Variants in UNC5A observed in about 807,000 individuals in gnomAD.
UNC5A encodes the protein unc-5 netrin receptor A.
In UNC5A, 20 loss-of-function variants were observed where a neutral mutation model predicts 87.4. The observed-to-expected ratio is 0.23, with a 90% CI of 0.16 to 0.33. The LOEUF (loss-of-function observed/expected upper bound fraction) is 0.33. Among genes scored for constraint, UNC5A ranks in the 10% least tolerant of loss-of-function variants. The probability of loss-of-function intolerance (pLI) is 1.00; values close to 1 mark genes in which losing one functional copy is unlikely to be tolerated. For missense variants in UNC5A, 844 were observed against 1,133.4 expected (o/e 0.74, Z 3.67); for synonymous variants, 438 against 482.3 (o/e 0.91, Z 1.20).
intron 6 of UNC5A, among the ~76,000 whole-genome samples, chr5:176,870,915 C>T (rs1226626494): frequency 7.2e-6 from 1 of 138,896 alleles, no homozygotes; most frequent in Non-Finnish European, 1.6e-5. Flanking sequence ...CATCTGCCCA[C>T]GCTCACCCCA....
chr5:176,820,619 G>A (rs537624137), intron 1 of UNC5A, among the ~76,000 whole-genome samples: 3 of 152,334 alleles, frequency 2.0e-5, no homozygotes, highest in Admixed American at 6.5e-5. Flanking sequence ...CTGGTCTGGC[G>A]TGACTGGTCC....
At position 176,840,500 on chromosome 5, in the gene UNC5A, G is replaced by T. The variant is rs573628755; in HGVS notation, c.71-22124G>T. 1.1e-4 allele frequency among the ~76,000 whole-genome samples: 17 copies of T among 152,350 alleles called. No homozygotes were observed. The South Asian group carries it at 3.5e-3, about 32-fold the overall frequency. Reference sequence around the variant, plus strand: ...ATAACACGTTGGGCTCTGCAAGGGGGTGACCACATCTCTATCTCTTCATCT... The same window carrying T: ...ATAACACGTTGGGCTCTGCAAGGGGTTGACCACATCTCTATCTCTTCATCT... On this transcript the variant is annotated intron_variant, in intron 1 of 14. Coordinates refer to ENST00000329542, the MANE Select transcript of UNC5A (RefSeq NM_133369.3).
At chr5:176,818,066 C>T (rs1311782706) in intron 1 of UNC5A, among the ~76,000 whole-genome samples, 11 of 151,994 alleles carry the variant, frequency 7.2e-5, no homozygotes, top group Non-Finnish European at 1.5e-4. Flanking sequence ...GCCGCGCGGC[C>T]GCCTCCGCCC....
rs1757389181 is a variant in UNC5A, at chr5:176,845,792, G to A, written c.71-16832G>A. Among the ~76,000 whole-genome samples, 3 of 152,216 alleles carry A rather than the reference G, an allele frequency of 2.0e-5. 1 individual carries two copies. Among genetic ancestry groups the A allele is most frequent in the Admixed American group, 6.5e-5 (1 of 15,276 alleles). ...CACTATTTAGATGGGGAGACAGAGA[G>A]GGCCTCCTCAGGGAGGTGCCATGAG... On this transcript the variant is annotated intron_variant, in intron 1 of 14. Transcript: ENST00000329542.
chr5:176,851,444 G>A (rs928635102), intron 1 of UNC5A, among the ~76,000 whole-genome samples: 22 of 152,336 alleles, frequency 1.4e-4, no homozygotes, highest in Admixed American at 3.9e-4. Context: ...CAGCTCTGGC[G>A]GGGCACACAT....
At chr5:176,819,230 T>C (rs1212601339) in intron 1 of UNC5A, among the ~76,000 whole-genome samples, 13 of 152,170 alleles carry the variant, frequency 8.5e-5, no homozygotes, top group South Asian at 4.1e-4. Flanking sequence ...TACCTGTCTG[T>C]GGGTGGTGGC....
chr5:176,877,096 G>A, intron 8 of UNC5A, 96 bp from the exon 9 acceptor site: 1 of 1,004,426 alleles, frequency 1.0e-6, no homozygotes, highest in African/African-American at 1.6e-5. Flanking sequence ...GCTGGCACCA[G>A]TCAGTCCTCA....
chr5:176,843,928 C>T (rs1007397977), intron 1 of UNC5A, among the ~76,000 whole-genome samples: 4 of 152,264 alleles, frequency 2.6e-5, no homozygotes, highest in South Asian at 4.1e-4. Context: ...GCTTTCCTCC[C>T]GCTGATCGTG....
chr5:176,814,546 G>A (rs1002195858), intron 1 of UNC5A, among the ~76,000 whole-genome samples: 2 of 152,166 alleles, frequency 1.3e-5, no homozygotes, highest in Admixed American at 1.3e-4. Context: ...TGTGAAACCC[G>A]CAGCTTCAGT....
At chr5:176,877,415 G>C in intron 9 of UNC5A, 120 bp from the exon 10 acceptor site, 1 of 1,350,842 alleles carries the variant, frequency 7.4e-7, no homozygotes, top group Non-Finnish European at 1.0e-6. Context: ...AGCCCCACGT[G>C]GTCCTGCAGC....
intron 1 of UNC5A, among the ~76,000 whole-genome samples, chr5:176,839,556 A>G (rs1271826621): frequency 1.3e-5 from 2 of 152,186 alleles, no homozygotes; most frequent in African/African-American, 4.8e-5. Flanking sequence ...CACATGGCCT[A>G]GGCTGTCTCC....
At chr5:176,812,668 A>G (rs1340086130) in intron 1 of UNC5A, among the ~76,000 whole-genome samples, 1 of 152,162 alleles carries the variant, frequency 6.6e-6, no homozygotes, top group African/African-American at 2.4e-5. Context: ...TTGGCAGGGC[A>G]TCTGTTGAGG....
intron 1 of UNC5A, among the ~76,000 whole-genome samples, chr5:176,853,967 G>T (rs181027017): frequency 2.0e-5 from 3 of 152,362 alleles, no homozygotes; most frequent in African/African-American, 7.2e-5. Context: ...TGAGAACAAT[G>T]AGGCTCTAGA....
chr5:176,877,548 G>A lies in UNC5A; in HGVS notation c.1480G>A (p.Gly494Ser), dbSNP rs138151702. Residue 494 changes from glycine to serine, a missense_variant, in exon 10 of 15, where the codon GGC becomes AGC. Physicochemically the swap from Gly to Ser is moderately conservative, Grantham distance 56. Coordinates refer to ENST00000329542, the MANE Select transcript of UNC5A (RefSeq NM_133369.3). ...TCCCCACTTGAGGTTGCCCCTAGCTGGCTGTCAGACCCTGCTGAGTCCCAT... is the reference window on the plus strand; with the variant it reads ...TCCCCACTTGAGGTTGCCCCTAGCTAGCTGTCAGACCCTGCTGAGTCCCAT... ...KPEDVRLPLA[G>S]CQTLLSPIVS... The A allele has an allele frequency of 6.3e-7, 1 of 1,595,590 alleles. No individual in the cohort carries two copies. Among genetic ancestry groups the A allele is most frequent in the Non-Finnish European group, 8.6e-7 (1 of 1,169,340 alleles).
At chr5:176,853,825 G>C (rs1757602646) in intron 1 of UNC5A, among the ~76,000 whole-genome samples, 1 of 152,166 alleles carries the variant, frequency 6.6e-6, no homozygotes, top group Admixed American at 6.5e-5. Flanking sequence ...GTGCTATTGG[G>C]GGTGACTGCT....
chr5:176,846,191 C>A (rs1384232793), intron 1 of UNC5A, among the ~76,000 whole-genome samples: 1 of 152,112 alleles, frequency 6.6e-6, no homozygotes, highest in African/African-American at 2.4e-5. Context: ...TGGAGCCTGG[C>A]ACTCTCCAGG....
chr5:176,827,748 C>T (rs552831113), intron 1 of UNC5A, among the ~76,000 whole-genome samples: 100 of 152,334 alleles, frequency 6.6e-4, no homozygotes, highest in Middle Eastern at 3.4e-3. Flanking sequence ...ACAACTGCAC[C>T]ATTTTACATT....
chr5:176,828,215 G>T (rs1260578788), intron 1 of UNC5A, among the ~76,000 whole-genome samples: 1 of 152,240 alleles, frequency 6.6e-6, no homozygotes, highest in Non-Finnish European at 1.5e-5. Context: ...GTCAGACGCA[G>T]TGCGCGGCTG....
In UNC5A at chr5:176,879,838, GGGCCAGCCAGAC is replaced by G. The variant is rs756689674; in HGVS notation, c.2483_2494del (p.Gly828_Asp831del). On this transcript the variant is annotated inframe_deletion, in exon 15 of 15. Coordinates refer to ENST00000329542, the MANE Select transcript of UNC5A (RefSeq NM_133369.3). ...AGCTGGCTGCAGCAGTGGCTGGACT[GGGCCAGCCAGAC>G]GCTGGCCTCTTCACAGTGTCGGAGG... 6.2e-7 allele frequency: 1 copy of G among 1,612,492 alleles called. No homozygotes were observed. Among genetic ancestry groups the G allele is most frequent in the Non-Finnish European group, 8.5e-7 (1 of 1,179,802 alleles).
Sources: gnomAD v4.1 joint callset for allele counts (sites outside exome capture counted in the v4.1 genomes callset) on GRCh38, gnomAD v4.1.1 for gene constraint, MANE v1.5 for transcripts, NCBI Gene and HGNC (gene_info 2026-07-23, HGNC 2026-07-21) for gene names.